RBMS3: variants seen among roughly 807,000 people sequenced by gnomAD.
RBMS3 encodes the protein RNA binding motif single stranded interacting protein 3, also known as RNA-binding motif, single-stranded-interacting protein 3.
RBMS3 carries 27 observed loss-of-function variants against 66.8 expected under a neutral mutation model. The ratio of observed to expected loss-of-function variants is 0.40; its 90% CI spans 0.30 to 0.56. The LOEUF is 0.56. RBMS3 is among the 20% of genes least tolerant of loss of function. The pLI, the probability that RBMS3 is intolerant of heterozygous loss-of-function variation, is 0.40. For missense variants in RBMS3, 513 were observed against 549.5 expected, an observed-to-expected ratio of 0.93 and a Z score of 0.66; for synonymous variants, 188 against 183.0, an observed-to-expected ratio of 1.03 and a Z score of -0.22.
rs552550697 is a variant in RBMS3, at chr3:29,669,831, G to A, written c.400-69889G>A. Among the ~76,000 whole-genome samples the A allele has an allele frequency of 5.3e-5, 8 of 152,198 alleles. 1 individual carries two copies. The South Asian group carries it at 1.5e-3, about 28-fold the overall frequency. ...GGAAGGACTGGTTTCTTACTGGGGC[G>A]ACTGCACACATGAGTATGCAATAAC... On this transcript the variant is annotated intron_variant, in intron 4 of 14. Coordinates refer to ENST00000383767, the MANE Select transcript of RBMS3 (RefSeq NM_001003793.3).
At chr3:29,412,154 A>G (rs769974116) in intron 1 of RBMS3, among the ~76,000 whole-genome samples, 2 of 152,232 alleles carry the variant, frequency 1.3e-5, no homozygotes, top group South Asian at 2.1e-4. Context: ...CTTTGTACAT[A>G]TATAGTGAGA....
At chr3:29,545,076 C>A (rs2045903297) in intron 3 of RBMS3, among the ~76,000 whole-genome samples, 1 of 151,842 alleles carries the variant, frequency 6.6e-6, no homozygotes, top group Non-Finnish European at 1.5e-5. Context: ...TTTATGACAG[C>A]AACACAATGA....
intron 6 of RBMS3, among the ~76,000 whole-genome samples, chr3:29,835,860 C>T (rs956620701): frequency 1.3e-5 from 2 of 150,648 alleles, no homozygotes; most frequent in African/African-American, 4.9e-5. Flanking sequence ...AAAAGGTAAA[C>T]AAAATTGGCA....
chr3:29,505,454 T>C (rs1035957422), intron 3 of RBMS3, among the ~76,000 whole-genome samples: 1 of 151,912 alleles, frequency 6.6e-6, no homozygotes, highest in Non-Finnish European at 1.5e-5. Flanking sequence ...CTGTTTATTA[T>C]TGTAGCTTTG....
chr3:29,508,090 C>A (rs531967174), intron 3 of RBMS3, among the ~76,000 whole-genome samples: 2 of 152,146 alleles, frequency 1.3e-5, no homozygotes, highest in Non-Finnish European at 2.9e-5. Flanking sequence ...AGAGAAACTT[C>A]TAACTACTAA....
intron 1 of RBMS3, among the ~76,000 whole-genome samples, chr3:29,366,119 A>G (rs760971003): frequency 1.9e-4 from 29 of 152,096 alleles, no homozygotes; most frequent in Non-Finnish European, 3.5e-4. Context: ...TTTGAGACAG[A>G]TAAAGAAATC....
In RBMS3 at chr3:29,783,860, C is replaced by T. The variant is rs559485078; in HGVS notation, c.637+20871C>T. The stretch of plus-strand genomic sequence containing the variant: ...GGTAAAGGGATGGAAAATTATGTTC[C>T]ATGCAAATGGACACCAAAAGTGAGC... On this transcript the variant is annotated intron_variant, in intron 6 of 14. Coordinates refer to ENST00000383767, the MANE Select transcript of RBMS3 (RefSeq NM_001003793.3). Among the ~76,000 whole-genome samples the T allele has an allele frequency of 1.8e-4, 27 of 152,122 alleles. No individual in the cohort carries two copies. In the South Asian group the frequency reaches 5.6e-3, roughly 32 times the overall value.
At chr3:29,484,718 C>A (rs2043258718) in intron 2 of RBMS3, among the ~76,000 whole-genome samples, 1 of 152,134 alleles carries the variant, frequency 6.6e-6, no homozygotes, top group African/African-American at 2.4e-5. Context: ...AGAGAGATAG[C>A]CCTACAACAT....
intron 6 of RBMS3, among the ~76,000 whole-genome samples, chr3:29,805,964 G>C: frequency 6.6e-6 from 1 of 151,920 alleles, no homozygotes; most frequent in East Asian, 1.9e-4. Context: ...TGCATTCCTG[G>C]TAAGTACCCT....
intron 1 of RBMS3, among the ~76,000 whole-genome samples, chr3:29,376,791 A>G (rs1014641096): frequency 6.6e-6 from 1 of 152,212 alleles, no homozygotes; most frequent in African/African-American, 2.4e-5. Flanking sequence ...CTGTAGTCCC[A>G]GCTACTCAGG....
chr3:29,372,916 A>T (rs2038281094), intron 1 of RBMS3, among the ~76,000 whole-genome samples: 1 of 151,876 alleles, frequency 6.6e-6, no homozygotes, highest in South Asian at 2.1e-4. Flanking sequence ...AACGCCTTGA[A>T]ACCATTAGAG....
chr3:29,944,358 G>A (rs1361415358), intron 12 of RBMS3, 104 bp downstream of exon 12: 3 of 973,526 alleles, frequency 3.1e-6, no homozygotes, highest in South Asian at 2.8e-5. Context: ...ACAGAGGTGG[G>A]TGCAGGAAAT....
chr3:29,427,515 G>A (rs374804573), intron 1 of RBMS3, among the ~76,000 whole-genome samples: 5 of 152,210 alleles, frequency 3.3e-5, no homozygotes, highest in African/African-American at 1.2e-4. Flanking sequence ...ACACTATCAA[G>A]GAGATGAATC....
At chr3:29,815,424 C>T (rs2057857680) in intron 6 of RBMS3, among the ~76,000 whole-genome samples, 1 of 152,060 alleles carries the variant, frequency 6.6e-6, no homozygotes, top group Non-Finnish European at 1.5e-5. Flanking sequence ...AAACAATATA[C>T]TATAATGTTT....
chr3:29,721,212 C>G (rs915386391), intron 4 of RBMS3, among the ~76,000 whole-genome samples: 2 of 152,074 alleles, frequency 1.3e-5, no homozygotes, highest in Non-Finnish European at 2.9e-5. Flanking sequence ...CAGTTGTACT[C>G]AAACTATAAC....
chr3:29,302,314 T>C lies in RBMS3; in HGVS notation c.75+20558T>C, dbSNP rs374400970. On this transcript the variant is annotated intron_variant, in intron 1 of 14. Transcript: ENST00000383767. ...GGCGTGAGCTACAGTGCCTGACCTG[T>C]TGAAATTTATCACTGGTGGTACTTT... Among the ~76,000 whole-genome samples, 26 of 152,148 alleles carry C rather than the reference T, an allele frequency of 1.7e-4. No homozygotes were observed. In the East Asian group the frequency reaches 2.5e-3, roughly 15 times the overall value.
intron 4 of RBMS3, among the ~76,000 whole-genome samples, chr3:29,691,752 G>A (rs1270978458): frequency 6.6e-6 from 1 of 151,994 alleles, no homozygotes; most frequent in Non-Finnish European, 1.5e-5. Context: ...CTGCCCTAGA[G>A]TTAAATCTTA....
intron 14 of RBMS3, among the ~76,000 whole-genome samples, chr3:30,003,155 A>G (rs1577366534): frequency 6.6e-6 from 1 of 152,018 alleles, no homozygotes; most frequent in East Asian, 1.9e-4. Context: ...AAAAGCTAAG[A>G]GTAAAGTCAT....
chr3:29,596,266 A>T (rs1576324922), intron 4 of RBMS3, among the ~76,000 whole-genome samples: 1 of 152,324 alleles, frequency 6.6e-6, no homozygotes, highest in East Asian at 1.9e-4. Context: ...TAATATATGA[A>T]TTATGCTAAA....
Sources: allele counts gnomAD v4.1 joint callset (sites outside exome capture counted in the v4.1 genomes callset), GRCh38; gene constraint gnomAD v4.1.1; transcripts MANE v1.5; gene names NCBI Gene and HGNC (gene_info 2026-07-23, HGNC 2026-07-21).